The following EXOC6B variants were observed in gnomAD, a reference collection of about 807,000 sequenced individuals.
The protein encoded by EXOC6B is exocyst complex component 6B, also known as SEC15 homolog B.
Under a neutral mutation model 113.5 loss-of-function variants are expected in EXOC6B, and 54 were observed. The ratio of observed to expected loss-of-function variants is 0.48; its 90% CI spans 0.38 to 0.60. The LOEUF is 0.60. Among genes scored for constraint, EXOC6B ranks in the 20% least tolerant of loss-of-function variants. The pLI, the probability that EXOC6B is intolerant of heterozygous loss-of-function variation, is 0.00. For synonymous variants in EXOC6B, 357 were observed against 339.0 expected (o/e 1.05, Z -0.58); for missense variants, 797 against 977.5 (o/e 0.82, Z 2.46).
chr2:72,643,227 TG>T (rs1429650862), intron 6 of EXOC6B, among the ~76,000 whole-genome samples: 1 of 151,938 alleles, frequency 6.6e-6, no homozygotes, highest in African/African-American at 2.4e-5. Flanking sequence ...GATCTAGAAC[TG>T]GAAATACCAT....
In EXOC6B at chr2:72,577,916, T is replaced by C. The variant is rs114487385; in HGVS notation, c.670-2248A>G. 6.2e-3 allele frequency among the ~76,000 whole-genome samples: 950 copies of C among 152,146 alleles called. 4 individuals carry two copies. The highest frequency in any genetic ancestry group is 9.2e-3 in the Non-Finnish European group (627 of 67,930). On this transcript the variant is annotated intron_variant, in intron 6 of 21. Transcript: ENST00000272427. The stretch of plus-strand genomic sequence containing the variant: ...AACAGCAGCTAGATCTTAGAAAGCA[T>C]CTAGGTGTTTTCATTTTCTTAGTTG...
intron 6 of EXOC6B, among the ~76,000 whole-genome samples, chr2:72,616,263 A>G (rs956252796): frequency 1.3e-5 from 2 of 152,094 alleles, no homozygotes; most frequent in Non-Finnish European, 2.9e-5. Context: ...CTTCACAAAA[A>G]TAGAAAAAAA....
intron 8 of EXOC6B, among the ~76,000 whole-genome samples, chr2:72,550,940 A>T (rs1408576227): frequency 4.2e-5 from 6 of 141,494 alleles, no homozygotes; most frequent in Non-Finnish European, 9.1e-5. Flanking sequence ...TTTTTTTGAG[A>T]CGGAGTCTCA....
chr2:72,619,376 C>A (rs747690890), intron 6 of EXOC6B, among the ~76,000 whole-genome samples: 1 of 151,900 alleles, frequency 6.6e-6, no homozygotes, highest in African/African-American at 2.4e-5. Flanking sequence ...TTGTTCATGG[C>A]AGCATTTCCC....
chr2:72,426,280 A>G (rs1695192633), intron 18 of EXOC6B, among the ~76,000 whole-genome samples: 1 of 152,136 alleles, frequency 6.6e-6, no homozygotes. Context: ...CCTTTTATCT[A>G]TATCTTGATC....
chr2:72,402,394 A>G (rs1693398292), intron 18 of EXOC6B, among the ~76,000 whole-genome samples: 1 of 152,240 alleles, frequency 6.6e-6, no homozygotes, highest in Non-Finnish European at 1.5e-5. Flanking sequence ...AACCAAAAAT[A>G]TAACACTGAT....
intron 20 of EXOC6B, among the ~76,000 whole-genome samples, chr2:72,291,834 C>T (rs566994472): frequency 3.3e-4 from 50 of 152,274 alleles, no homozygotes; most frequent in Middle Eastern, 6.8e-3. Context: ...GGCTCAAGAA[C>T]TTCCCATTGA....
chr2:72,251,613 T>C (rs1683019462), intron 20 of EXOC6B, among the ~76,000 whole-genome samples: 1 of 152,216 alleles, frequency 6.6e-6, no homozygotes, highest in Non-Finnish European at 1.5e-5. Context: ...TTTCAAGACA[T>C]AATTTCAATA....
chr2:72,258,812 T>C (rs1201221620), intron 20 of EXOC6B, among the ~76,000 whole-genome samples: 1 of 152,200 alleles, frequency 6.6e-6, no homozygotes, highest in Admixed American at 6.5e-5. Context: ...CAGCTGTTAC[T>C]GCTTCCTAAC....
chr2:72,370,708 T>C (rs1000173344), intron 19 of EXOC6B, among the ~76,000 whole-genome samples: 2 of 152,150 alleles, frequency 1.3e-5, no homozygotes, highest in Non-Finnish European at 2.9e-5. Flanking sequence ...TCATGTCCTT[T>C]GTAGGGACAT....
chr2:72,456,296 T>G (rs1213304576), intron 18 of EXOC6B, among the ~76,000 whole-genome samples: 2 of 152,156 alleles, frequency 1.3e-5, no homozygotes, highest in Non-Finnish European at 2.9e-5. Context: ...TATCTCAAAA[T>G]AATAGCTTTT....
intron 1 of EXOC6B, among the ~76,000 whole-genome samples, chr2:72,785,666 C>T (rs980714698): frequency 2.0e-5 from 3 of 152,242 alleles, no homozygotes; most frequent in African/African-American, 7.2e-5. Context: ...GGAACCAGAG[C>T]ACCAAATCCC....
chr2:72,299,667 T>C (rs1393523927), intron 20 of EXOC6B, among the ~76,000 whole-genome samples: 1 of 152,154 alleles, frequency 6.6e-6, no homozygotes, highest in African/African-American at 2.4e-5. Flanking sequence ...TCCCCATCTT[T>C]GTGGGATTAT....
chr2:72,373,800 C>T (rs1691184114), intron 19 of EXOC6B, among the ~76,000 whole-genome samples: 1 of 152,198 alleles, frequency 6.6e-6, no homozygotes, highest in Admixed American at 6.5e-5. Context: ...AGGAAACCTT[C>T]ATATACTGTT....
chr2:72,315,339 A>ATGTGTGTGTGTGTGTG (rs141556284), intron 20 of EXOC6B, among the ~76,000 whole-genome samples: 2 of 148,576 alleles, frequency 1.3e-5, no homozygotes, highest in African/African-American at 4.9e-5. Flanking sequence ...TAAAGGGTGT[A>ATGTGTGTGTGTGTGTG]TGTGTGTGTG....
intron 19 of EXOC6B, among the ~76,000 whole-genome samples, chr2:72,374,776 C>T (rs1431273582): frequency 6.7e-6 from 1 of 149,798 alleles, no homozygotes; most frequent in African/African-American, 2.5e-5. Flanking sequence ...ATGCCTGAAT[C>T]AAAATATCTC....
chr2:72,658,845 G>A (rs1289295689), intron 6 of EXOC6B, among the ~76,000 whole-genome samples: 2 of 151,896 alleles, frequency 1.3e-5, no homozygotes, highest in African/African-American at 4.8e-5. Flanking sequence ...CTCTTAAAAT[G>A]GCCAGATGAA....
At chr2:72,572,955 T>C (rs1393978880) in intron 7 of EXOC6B, among the ~76,000 whole-genome samples, 9 of 152,182 alleles carry the variant, frequency 5.9e-5, no homozygotes, top group Non-Finnish European at 1.0e-4. Context: ...ATTGCTTGAT[T>C]TGAGATATGG....
intron 7 of EXOC6B, among the ~76,000 whole-genome samples, chr2:72,569,297 A>G (rs988303161): frequency 6.6e-6 from 1 of 151,402 alleles, no homozygotes; most frequent in Non-Finnish European, 1.5e-5. Context: ...TATATGAAAT[A>G]TCAAGGACTA....
Sources: gnomAD v4.1 joint callset for allele counts (sites outside exome capture counted in the v4.1 genomes callset) on GRCh38, gnomAD v4.1.1 for gene constraint, MANE v1.5 for transcripts, NCBI Gene and HGNC (gene_info 2026-07-23, HGNC 2026-07-21) for gene names.